The following YEATS2 variants were observed in gnomAD, a reference collection of about 807,000 sequenced individuals.
The protein encoded by YEATS2 is YEATS domain containing 2.
A neutral mutation model predicts 163.2 loss-of-function variants in YEATS2; 77 were observed. That is an observed-to-expected ratio of 0.47 (90% CI 0.39 to 0.57). YEATS2 has a LOEUF of 0.57. Ranked by LOEUF, YEATS2 falls within the 20% of genes least tolerant of loss-of-function variation. The probability of loss-of-function intolerance (pLI) is 0.00; values close to 1 mark genes in which losing one functional copy is unlikely to be tolerated. For synonymous variants in YEATS2, 631 were observed against 645.1 expected, an observed-to-expected ratio of 0.98 and a Z score of 0.33; for missense variants, 1,549 against 1,729.8, an observed-to-expected ratio of 0.90 and a Z score of 1.85.
At chr3:183,718,472 A>C (rs1409956727) in intron 3 of YEATS2, 28 bp from the exon 4 acceptor site, 2 of 1,574,346 alleles carry the variant, frequency 1.3e-6, no homozygotes, top group Non-Finnish European at 1.7e-6. Flanking sequence ...GCCGTTTTTT[A>C]AAGTAATGAG....
At chr3:183,752,310 C>G in intron 10 of YEATS2, 57 bp downstream of exon 10, 2 of 1,597,714 alleles carry the variant, frequency 1.3e-6, no homozygotes, top group Non-Finnish European at 1.7e-6. Flanking sequence ...TTCCCATTTG[C>G]TGCTTTCAGA....
chr3:183,756,427 C>T, intron 11 of YEATS2, 101 bp from the exon 12 acceptor site: 1 of 1,169,196 alleles, frequency 8.6e-7, no homozygotes, highest in Non-Finnish European at 1.2e-6. Context: ...AATTTGTTAC[C>T]TTTGTCCTGG....
intron 13 of YEATS2, 63 bp from the exon 14 acceptor site, chr3:183,761,444 T>C (rs781613669): frequency 2.8e-5 from 38 of 1,373,372 alleles, no homozygotes; most frequent in Middle Eastern, 1.8e-4. Context: ...TAAATATAAG[T>C]GACTAGATAT....
At chr3:183,770,420 G>A (rs1441107991) in intron 15 of YEATS2, among the ~76,000 whole-genome samples, 1 of 152,034 alleles carries the variant, frequency 6.6e-6, no homozygotes, top group African/African-American at 2.4e-5. Context: ...CTACTTATCA[G>A]TTGAATATGC....
At chr3:183,803,597 T>A in intron 26 of YEATS2, 1 of 535,032 alleles carries the variant, frequency 1.9e-6, no homozygotes, top group Non-Finnish European at 3.3e-6. Flanking sequence ...ATTGAGTCCT[T>A]ACAGTGGGAA....
At chr3:183,707,625 C>A (rs1360276728) in intron 1 of YEATS2, among the ~76,000 whole-genome samples, 4 of 151,546 alleles carry the variant, frequency 2.6e-5, no homozygotes, top group Admixed American at 1.3e-4. Flanking sequence ...TTAGGAATGC[C>A]TGTCTGTATG....
chr3:183,762,651 T>C (rs2109354781), intron 15 of YEATS2, among the ~76,000 whole-genome samples: 1 of 152,248 alleles, frequency 6.6e-6, no homozygotes, highest in Non-Finnish European at 1.5e-5. Context: ...ATACCTCTGA[T>C]GTTCGGGCTG....
At chr3:183,707,715 ACT>A (rs1179573806) in intron 1 of YEATS2, among the ~76,000 whole-genome samples, 10 of 124,422 alleles carry the variant, frequency 8.0e-5, no homozygotes, top group African/African-American at 2.6e-4. Context: ...ACGAAGTCTC[ACT>A]CTGTCACCCA....
rs770840987 is a variant in YEATS2 at position 183,724,408 on chromosome 3, AT to A, written c.538-4del. The A allele has an allele frequency of 1.9e-6, 3 of 1,597,696 alleles. No individual in the cohort carries two copies. Among genetic ancestry groups the A allele is most frequent in the African/African-American group, 2.7e-5 (2 of 74,432 alleles). On this transcript the variant is annotated splice_polypyrimidine_tract_variant and intron_variant, in intron 5 of 30. Coordinates refer to ENST00000305135, the MANE Select transcript of YEATS2 (RefSeq NM_018023.5). The stretch of plus-strand genomic sequence containing the variant: ...AAAATGAGAATGGATGTTGATTATG[AT>A]TTTTTTCAGGATACTTCTAGAATTA...
At chr3:183,725,197 T>A (rs1308677837) in intron 6 of YEATS2, among the ~76,000 whole-genome samples, 1 of 152,008 alleles carries the variant, frequency 6.6e-6, no homozygotes, top group Non-Finnish European at 1.5e-5. Flanking sequence ...CCACAAAGGA[T>A]AAATAAGGGG....
chr3:183,733,121 T>G lies in YEATS2; in HGVS notation c.813-3597T>G, dbSNP rs554869283. 1.5e-4 allele frequency among the ~76,000 whole-genome samples: 23 copies of G among 152,358 alleles called. No homozygotes were observed. The South Asian group carries it at 3.5e-3, about 23-fold the overall frequency. On this transcript the variant is annotated intron_variant, in intron 7 of 30. Coordinates refer to ENST00000305135, the MANE Select transcript of YEATS2 (RefSeq NM_018023.5). The stretch of plus-strand genomic sequence containing the variant: ...GCTGGGATTACAGGCGTGAGCCTTG[T>G]ACCCAGCCTCATTTCATGTTTGATA...
chr3:183,758,605 A>G (rs765985611), intron 12 of YEATS2, among the ~76,000 whole-genome samples: 2 of 152,172 alleles, frequency 1.3e-5, no homozygotes, highest in Non-Finnish European at 2.9e-5. Context: ...GTAGTCTAAA[A>G]CAAGTGACTT....
At chr3:183,759,950 G>A (rs535185874) in intron 13 of YEATS2, among the ~76,000 whole-genome samples, 6 of 152,290 alleles carry the variant, frequency 3.9e-5, no homozygotes, top group African/African-American at 1.4e-4. Flanking sequence ...TCTCTCCCCT[G>A]CTCCCCTTTT....
chr3:183,773,968 A>G (rs1468215469), intron 17 of YEATS2, among the ~76,000 whole-genome samples, 174 bp downstream of exon 17: 1 of 152,214 alleles, frequency 6.6e-6, no homozygotes, highest in Non-Finnish European at 1.5e-5. Flanking sequence ...TTTAACTAGA[A>G]GTGGGTTTGC....
At chr3:183,780,656 C>T (rs1367691456) in intron 19 of YEATS2, among the ~76,000 whole-genome samples, 1 of 152,114 alleles carries the variant, frequency 6.6e-6, no homozygotes, top group Non-Finnish European at 1.5e-5. Context: ...CAGCAAAATA[C>T]ATAAAGTGCA....
At chr3:183,774,562 A>T (rs1443499922) in intron 17 of YEATS2, among the ~76,000 whole-genome samples, 2 of 152,140 alleles carry the variant, frequency 1.3e-5, no homozygotes, top group Non-Finnish European at 2.9e-5. Flanking sequence ...TACAGACTCT[A>T]CCTAGGTTTG....
rs1719691200 is a variant in YEATS2, at chr3:183,747,662, C to CT, written c.925-7dup. Reference sequence around the variant, plus strand: ...TGAAATTTAACACTCTCCCTTTTGTCTTTCCATAGCTGGATAGAACTTATA... The same window carrying CT: ...TGAAATTTAACACTCTCCCTTTTGTCTTTTCCATAGCTGGATAGAACTTATA... On this transcript the variant is annotated splice_polypyrimidine_tract_variant and intron_variant, in intron 8 of 30. Transcript: ENST00000305135. 1.2e-6 allele frequency: 2 copies of CT among 1,610,340 alleles called. No individual in the cohort carries two copies.
intron 21 of YEATS2, among the ~76,000 whole-genome samples, 197 bp downstream of exon 21, chr3:183,791,177 G>A (rs1476742629): frequency 6.6e-6 from 1 of 152,108 alleles, no homozygotes; most frequent in African/African-American, 2.4e-5. Context: ...GGGACCACAG[G>A]CACATGTCAC....
At position 183,811,303 on chromosome 3, in the gene YEATS2, CTG is replaced by C. The variant is rs1234058323; in HGVS notation, c.*725_*726del. ...GAAAACTCACTATGCTAGGAATAGA[CTG>C]TGTGCACCAGTCCCAGACACTTGGC... is the stretch of plus-strand genomic sequence containing the variant. On this transcript the variant is annotated 3_prime_UTR_variant, in exon 31 of 31. Transcript: ENST00000305135. 6.6e-6 allele frequency: 1 copy of C among 152,650 alleles called. No homozygotes were observed. Among genetic ancestry groups the C allele is most frequent in the Non-Finnish European group, 1.5e-5 (1 of 68,242 alleles). 9.5% of individuals were successfully genotyped at this position (152,650 alleles called of 1,614,324 possible).
Sources: allele counts gnomAD v4.1 joint callset (sites outside exome capture counted in the v4.1 genomes callset), GRCh38; gene constraint gnomAD v4.1.1; transcripts MANE v1.5; gene names NCBI Gene and HGNC (gene_info 2026-07-23, HGNC 2026-07-21).